Variants in ARIH2 observed in about 807,000 individuals in gnomAD.
The protein encoded by ARIH2 is ariadne RBR E3 ubiquitin protein ligase 2, also known as E3 ubiquitin-protein ligase ARIH2.
In ARIH2, 12 loss-of-function variants were observed where a neutral mutation model predicts 79.8. The observed-to-expected ratio is 0.15, with a 90% CI of 0.10 to 0.24. ARIH2 has a LOEUF of 0.24. ARIH2 is among the 10% of genes least tolerant of loss of function. The pLI is 1.00. For missense variants in ARIH2, 301 were observed against 618.3 expected, an observed-to-expected ratio of 0.49 and a Z score of 5.44; for synonymous variants, 224 against 213.9, an observed-to-expected ratio of 1.05 and a Z score of -0.41.
At chr3:48,948,271 T>C (rs2089481213) in intron 3 of ARIH2, among the ~76,000 whole-genome samples, 1 of 145,184 alleles carries the variant, frequency 6.9e-6, no homozygotes, top group Non-Finnish European at 1.5e-5. Flanking sequence ...TCCTTTTTAT[T>C]TTATTTTATT....
Position 48,918,901 on chromosome 3 carries a change from C to A in ARIH2, c.-259C>A. 1 of 1,602,750 alleles carries A rather than the reference C, an allele frequency of 6.2e-7. No homozygotes were observed. The highest frequency in any genetic ancestry group is 1.1e-5 in the South Asian group (1 of 90,350). ...CGCGGGCTTGACCGGCGTCGGCCCG[C>A]CGCCTCCGCTGCCGCTTCGCCCCAA... On this transcript the variant is annotated 5_prime_UTR_variant, in exon 1 of 16. Coordinates refer to ENST00000356401, the MANE Select transcript of ARIH2 (RefSeq NM_006321.4).
intron 5 of ARIH2, 105 bp downstream of exon 5, chr3:48,965,087 G>C: frequency 9.7e-7 from 1 of 1,032,070 alleles, no homozygotes; most frequent in South Asian, 1.4e-5. Flanking sequence ...GTGCGGTGTG[G>C]CTCACGCCTG....
At chr3:48,969,552 A>T (rs972754785) in intron 7 of ARIH2, among the ~76,000 whole-genome samples, 4 of 150,972 alleles carry the variant, frequency 2.6e-5, no homozygotes, top group African/African-American at 9.7e-5. Context: ...AGAGGCACAA[A>T]CATGGCTCAC....
At chr3:48,923,050 A>G (rs907753561) in intron 2 of ARIH2, among the ~76,000 whole-genome samples, 63 of 152,132 alleles carry the variant, frequency 4.1e-4, no homozygotes, top group Non-Finnish European at 7.4e-4. Flanking sequence ...TACTGAAAAT[A>G]CAAAAAATTA....
Position 48,927,689 on chromosome 3 carries a change from G to A in ARIH2, c.131G>A (p.Ser44Asn), listed in dbSNP as rs746090221. Residue 44 changes from serine (S) to asparagine (N), a missense_variant, in exon 3 of 16, where the codon AGC (serine) becomes AAC (asparagine). Physicochemically the swap from Ser to Asn is conservative, Grantham distance 46 (BLOSUM62 1). Around this residue, in one of 2 missense-constraint regions of ARIH2, gnomAD observed 223 missense variants for 349.4 expected, o/e 0.64. Transcript: ENST00000356401. Reference sequence around the variant, plus strand: ...GAGGACTATTACGTGGGAGTAGCCAGCGATGTGGAGCAGCAGGGGGCTGAT... The same window carrying A: ...GAGGACTATTACGTGGGAGTAGCCAACGATGTGGAGCAGCAGGGGGCTGAT... ...DIEDYYVGVA[S>N]DVEQQGADAF... 2 of 1,614,174 alleles carry A rather than the reference G, an allele frequency of 1.2e-6. No individual in the cohort carries two copies. The highest frequency in any genetic ancestry group is 1.7e-6 in the Non-Finnish European group (2 of 1,180,028).
intron 3 of ARIH2, among the ~76,000 whole-genome samples, chr3:48,942,511 CT>C (rs746857271): frequency 1.7e-3 from 242 of 145,654 alleles, no homozygotes; most frequent in Middle Eastern, 0.011. Flanking sequence ...TTCCTTTTCA[CT>C]TTTTTTTTTT....
At chr3:48,934,377 T>A (rs894455848) in intron 3 of ARIH2, 5 of 957,862 alleles carry the variant, frequency 5.2e-6, no homozygotes, top group Non-Finnish European at 6.2e-6. Flanking sequence ...AATTTTAAGA[T>A]CATTCTATTT....
chr3:48,923,081 C>T (rs1051123658), intron 2 of ARIH2, among the ~76,000 whole-genome samples: 1 of 151,596 alleles, frequency 6.6e-6, no homozygotes. Context: ...GTGGCGGGCG[C>T]CTGTAGTCCC....
intron 3 of ARIH2, chr3:48,945,042 A>G: frequency 1.8e-6 from 2 of 1,095,194 alleles, no homozygotes; most frequent in South Asian, 1.3e-5. Context: ...AGGCTGAGGC[A>G]TGAAGACCCA....
chr3:48,974,536 CA>C, intron 9 of ARIH2: 3 of 506,488 alleles, frequency 5.9e-6, no homozygotes, highest in Non-Finnish European at 1.1e-5. Flanking sequence ...TCTGCTGATT[CA>C]ACTTGTGCTT....
At chr3:48,923,906 G>A (rs1465445759) in intron 2 of ARIH2, among the ~76,000 whole-genome samples, 3 of 152,210 alleles carry the variant, frequency 2.0e-5, no homozygotes, top group Non-Finnish European at 2.9e-5. Flanking sequence ...GGCCAACGCA[G>A]GAGGATCGCT....
chr3:48,926,438 T>C (rs1340672773), intron 2 of ARIH2, among the ~76,000 whole-genome samples: 2 of 151,382 alleles, frequency 1.3e-5, no homozygotes, highest in Non-Finnish European at 1.5e-5. Context: ...TGCTTAATTT[T>C]TTTGTATTTT....
At chr3:48,965,963 G>A (rs200684674) in intron 5 of ARIH2, among the ~76,000 whole-genome samples, 4 of 150,022 alleles carry the variant, frequency 2.7e-5, no homozygotes, top group Non-Finnish European at 3.0e-5. Context: ...TCCATCAGAA[G>A]AAAAAAAAAA....
chr3:48,923,703 T>G (rs947982147), intron 2 of ARIH2, among the ~76,000 whole-genome samples: 7 of 152,062 alleles, frequency 4.6e-5, no homozygotes, highest in African/African-American at 1.7e-4. Context: ...GTGTTTTTAG[T>G]AGAGACGGGG....
chr3:48,968,571 A>G lies in ARIH2; in HGVS notation c.576A>G (p.Thr192=), dbSNP rs752021194. ...TGGCTCAGGACTGTCCACTCCGTAC[A>G]CCAGAGGACTTTGTGTTTCCATTGC... ...SCMAQDCPLR[T]PEDFVFPLLP... Residue 192 remains threonine (T), a synonymous_variant, in exon 7 of 16, where the codon ACA becomes ACG. Coordinates refer to ENST00000356401, the MANE Select transcript of ARIH2 (RefSeq NM_006321.4). 3.7e-6 allele frequency: 6 copies of G among 1,611,618 alleles called. No homozygotes were observed. In the African/African-American group the frequency reaches 8.0e-5, roughly 22 times the overall value.
Position 48,926,217 on chromosome 3 carries a change from T to C in ARIH2, c.-97-1245T>C, listed in dbSNP as rs561554454. Among the ~76,000 whole-genome samples the C allele has an allele frequency of 3.9e-5, 6 of 152,180 alleles. No homozygotes were observed. In the East Asian group the frequency reaches 1.2e-3, roughly 29 times the overall value. ...GTAACATTTCGCTGTTTGCGGGCTTTTCTTTTTTGAGATGGAGTTTCCCTC... is the reference window on the plus strand; with the variant it reads ...GTAACATTTCGCTGTTTGCGGGCTTCTCTTTTTTGAGATGGAGTTTCCCTC... On this transcript the variant is annotated intron_variant, in intron 2 of 15. Transcript: ENST00000356401.
rs2092820226 is a variant in ARIH2 at position 48,983,455 on chromosome 3, C to T, written c.*185C>T. On this transcript the variant is annotated 3_prime_UTR_variant, in exon 16 of 16. Coordinates refer to ENST00000356401, the MANE Select transcript of ARIH2 (RefSeq NM_006321.4). ...TTCTCTTTTCACTTTTTGTTTCTACCAGGGTAGAGGCCATGTTGAACTGGC... is the reference window on the plus strand; with the variant it reads ...TTCTCTTTTCACTTTTTGTTTCTACTAGGGTAGAGGCCATGTTGAACTGGC... The T allele has an allele frequency of 3.2e-6, 2 of 629,100 alleles. No homozygotes were observed. Among genetic ancestry groups the T allele is most frequent in the Non-Finnish European group, 5.6e-6 (2 of 355,482 alleles). The allele number at this position is 629,100 out of a possible 1,614,324, so 39.0% of individuals were successfully genotyped here. A position where few individuals can be genotyped will look rare whatever the true frequency, so the allele number is the denominator to read the frequency against.
At chr3:48,955,253 G>A (rs1347872382) in intron 3 of ARIH2, among the ~76,000 whole-genome samples, 3 of 151,442 alleles carry the variant, frequency 2.0e-5, no homozygotes, top group African/African-American at 7.3e-5. Context: ...TAATCCTCTG[G>A]TTACATGTTG....
intron 3 of ARIH2, among the ~76,000 whole-genome samples, chr3:48,938,381 C>T (rs926559467): frequency 6.6e-6 from 1 of 151,974 alleles, no homozygotes; most frequent in African/African-American, 2.4e-5. Context: ...ACTAAACAAA[C>T]AGTGGCATAC....
Sources: gnomAD v4.1 joint callset for allele counts (sites outside exome capture counted in the v4.1 genomes callset) on GRCh38, gnomAD v4.1.1 for gene constraint, gnomAD v4.1.1 regional missense constraint, MANE v1.5 for transcripts, NCBI Gene and HGNC (gene_info 2026-07-23, HGNC 2026-07-21) for gene names.